Variants in GRK6 observed in about 807,000 individuals in gnomAD.
GRK6 encodes the protein G protein-coupled receptor kinase 6.
A neutral mutation model predicts 80.8 loss-of-function variants in GRK6; 37 were observed. The observed-to-expected ratio is 0.46, with a 90% CI of 0.35 to 0.60. GRK6 has a LOEUF of 0.60. GRK6 is among the 20% of genes least tolerant of loss of function. The pLI, the probability that GRK6 is intolerant of heterozygous loss-of-function variation, is 0.00. For synonymous variants in GRK6, 295 were observed against 320.9 expected (o/e 0.92, Z 0.86); for missense variants, 560 against 784.6 (o/e 0.71, Z 3.42).
At chr5:177,432,885 C>G in intron 5 of GRK6, 79 bp downstream of exon 5, 1 of 1,182,848 alleles carries the variant, frequency 8.5e-7, no homozygotes. Flanking sequence ...CTGTGAACAG[C>G]TCGGTGGCTG....
At position 177,442,819 on chromosome 5, in the gene GRK6, C is replaced by G. The variant is rs1764581109; in HGVS notation, c.*1029C>G. Reference sequence around the variant, plus strand: ...GCCCTGTTTTTTCCATATTTAAAGCCAATTTTTATTACTCGTTTTGTCCAA... The same window carrying G: ...GCCCTGTTTTTTCCATATTTAAAGCGAATTTTTATTACTCGTTTTGTCCAA... On this transcript the variant is annotated 3_prime_UTR_variant, in exon 16 of 16. Coordinates refer to ENST00000355472, the MANE Select transcript of GRK6 (RefSeq NM_001004106.3). 1 of 152,356 alleles carries G rather than the reference C, an allele frequency of 6.6e-6. No homozygotes were observed. Among genetic ancestry groups the G allele is most frequent in the Non-Finnish European group, 1.5e-5 (1 of 68,028 alleles). 9.4% of individuals were successfully genotyped at this position (152,356 alleles called of 1,614,324 possible).
chr5:177,435,019 C>T lies in GRK6; in HGVS notation c.968-13C>T, dbSNP rs761583708. Reference sequence around the variant, plus strand: ...CTGTTAACGGGTCCACCTGTTTCTCCACCCACACTCAGGCCACATCCGCAT... The same window carrying T: ...CTGTTAACGGGTCCACCTGTTTCTCTACCCACACTCAGGCCACATCCGCAT... On this transcript the variant is annotated splice_polypyrimidine_tract_variant and intron_variant, in intron 10 of 15. Coordinates refer to ENST00000355472, the MANE Select transcript of GRK6 (RefSeq NM_001004106.3). 6.2e-7 allele frequency: 1 copy of T among 1,613,036 alleles called. No individual in the cohort carries two copies. The highest frequency in any genetic ancestry group is 1.7e-5 in the Admixed American group (1 of 60,006).
chr5:177,433,817 G>T (rs1325525948), intron 8 of GRK6, 97 bp from the exon 9 acceptor site: 2 of 1,492,762 alleles, frequency 1.3e-6, no homozygotes, highest in Non-Finnish European at 1.8e-6. Flanking sequence ...GGAGCAGGCT[G>T]GGCCCAAGGA....
intron 13 of GRK6, 177 bp downstream of exon 13, chr5:177,436,707 G>C (rs1290033105): frequency 1.1e-5 from 7 of 643,894 alleles, no homozygotes; most frequent in African/African-American, 1.8e-5. Context: ...GGTCTGGCTT[G>C]TGGCATGCCT....
In GRK6 at chr5:177,433,950, C is replaced by T; in HGVS notation, c.775C>T (p.Leu259=). 12 of 1,605,708 alleles carry T rather than the reference C, an allele frequency of 7.5e-6. No homozygotes were observed. Among genetic ancestry groups the T allele is most frequent in the Non-Finnish European group, 1.0e-5 (12 of 1,175,198 alleles). ...CTACGCCTATGAGACCAAGGACGCGCTGTGCCTGGTGCTGACACTGATGAA... is the reference window on the plus strand; with the variant it reads ...CTACGCCTATGAGACCAAGGACGCGTTGTGCCTGGTGCTGACACTGATGAA... The part of the protein sequence containing the change: ...LAYAYETKDA[L]CLVLTLMNGG... Residue 259 remains leucine, a synonymous_variant, in exon 9 of 16, where the codon CTG becomes TTG. Coordinates refer to ENST00000355472, the MANE Select transcript of GRK6 (RefSeq NM_001004106.3).
Position 177,432,318 on chromosome 5 carries a change from A to C in GRK6, c.339+8A>C, listed in dbSNP as rs987112623. On this transcript the variant is annotated splice_region_variant and intron_variant, in intron 4 of 15. Transcript: ENST00000355472. ...AATTTTCTGAGCCACACGGTGAGTG[A>C]GCAGCGATGGAGAGATGATGGGAGC... 4 of 1,611,728 alleles carry C rather than the reference A, an allele frequency of 2.5e-6. 1 individual carries two copies. The South Asian group carries it at 3.3e-5, about 13-fold the overall frequency.
In GRK6 at chr5:177,436,528, G is replaced by A; in HGVS notation, c.1402G>A (p.Asp468Asn). The change falls in exon 13 of 16, where the codon GAC (aspartate) becomes AAC (asparagine). Residue 468 changes from aspartate to asparagine, a missense_variant and splice_region_variant. By Grantham distance (23) the Asp-to-Asn change is conservative (BLOSUM62 1). Transcript: ENST00000355472. ...AGMLEPPFKP[D>N]PQAIYCKDVL... ...CATGCTGGAGCCGCCGTTCAAGCCT[G>A]ACGTGAGTGCAGCCCACTCCTGCTG... 1 of 1,589,078 alleles carries A rather than the reference G, an allele frequency of 6.3e-7. No homozygotes were observed. Among genetic ancestry groups the A allele is most frequent in the Non-Finnish European group, 8.6e-7 (1 of 1,167,118 alleles).
In GRK6 at chr5:177,441,881, A is replaced by C; in HGVS notation, c.*91A>C. ...TGCACAGTGATCTTCCCCATTGTCC[A>C]CTCAAGTCGTGGCCTGGGGAACACA... On this transcript the variant is annotated 3_prime_UTR_variant, in exon 16 of 16. Transcript: ENST00000355472. 8.5e-7 allele frequency: 1 copy of C among 1,181,810 alleles called. No individual in the cohort carries two copies. Among genetic ancestry groups the C allele is most frequent in the Non-Finnish European group, 1.2e-6 (1 of 802,566 alleles). 73.2% of individuals were successfully genotyped at this position (1,181,810 alleles called of 1,614,324 possible).
At chr5:177,426,510 C>G (rs1318154858), upstream of GRK6, 1 of 152,138 alleles carries the variant, frequency 6.6e-6, no homozygotes, top group Non-Finnish European at 1.5e-5. Context: ...GGTCCCGCCC[C>G]CGTACTTCTT....
rs1038974363 is a variant in GRK6, at chr5:177,441,931, C to T, written c.*141C>T. ...AGACGGAGCTGTCCCCAGTGTCCTC[C>T]GTCCCTCAGCCCCTGGCCTGGCTGA... On this transcript the variant is annotated 3_prime_UTR_variant, in exon 16 of 16. Transcript: ENST00000355472. 1.0e-5 allele frequency: 8 copies of T among 763,172 alleles called. No homozygotes were observed. Among genetic ancestry groups the T allele is most frequent in the Admixed American group, 2.4e-5 (1 of 41,792 alleles). The allele number at this position is 763,172 out of a possible 1,614,324, so 47.3% of individuals were successfully genotyped here.
chr5:177,426,616 T>A (rs1763679978), upstream of GRK6: 1 of 148,422 alleles, frequency 6.7e-6, no homozygotes, highest in African/African-American at 2.5e-5. Flanking sequence ...ATTGGTCAAA[T>A]GAGGTAAACA....
At chr5:177,433,721 G>C (rs373614602) in intron 8 of GRK6, 45 bp downstream of exon 8, 1 of 1,604,384 alleles carries the variant, frequency 6.2e-7, no homozygotes, top group Non-Finnish European at 8.5e-7. Flanking sequence ...CCACACTGGC[G>C]CACCGACCGT....
At chr5:177,432,601 G>T (rs550646280) in intron 4 of GRK6, 105 bp from the exon 5 acceptor site, 3 of 827,248 alleles carry the variant, frequency 3.6e-6, no homozygotes, top group Admixed American at 5.3e-5. Flanking sequence ...ACCCTGGCCT[G>T]CAGCCTCTCA....
chr5:177,439,814 TA>T (rs1438989565), intron 13 of GRK6: 1 of 152,306 alleles, frequency 6.6e-6, no homozygotes, highest in Non-Finnish European at 1.5e-5. Context: ...CTTAGCATAG[TA>T]TCTTCAAGGT....
At chr5:177,427,951 T>G (rs1182118743) in intron 1 of GRK6, among the ~76,000 whole-genome samples, 1 of 152,210 alleles carries the variant, frequency 6.6e-6, no homozygotes, top group Non-Finnish European at 1.5e-5. Flanking sequence ...AGATTGTGAT[T>G]GACTCGGGCC....
chr5:177,435,026 A>G lies in GRK6; in HGVS notation c.968-6A>G, dbSNP rs1348251021. On this transcript the variant is annotated splice_polypyrimidine_tract_variant and splice_region_variant and intron_variant, in intron 10 of 15. Transcript: ENST00000355472. ...CGGGTCCACCTGTTTCTCCACCCAC[A>G]CTCAGGCCACATCCGCATCTCTGAC... The G allele has an allele frequency of 1.2e-6, 2 of 1,613,038 alleles. No homozygotes were observed. Among genetic ancestry groups the G allele is most frequent in the East Asian group, 2.2e-5 (1 of 44,882 alleles).
intron 10 of GRK6, 29 bp from the exon 11 acceptor site, chr5:177,435,003 G>A: frequency 3.7e-6 from 6 of 1,603,912 alleles, no homozygotes; most frequent in Non-Finnish European, 5.1e-6. Context: ...CCTGTTAACG[G>A]GTCCACCTGT....
At position 177,429,032 on chromosome 5, in the gene GRK6, T is replaced by C. The variant is rs535313600; in HGVS notation, c.53-1840T>C. ...GGGAAAGGAGCTTGGGTTGTGGCCA[T>C]AGGGAGCTGGGTACGAATCCTGTAC... is the stretch of plus-strand genomic sequence containing the variant. On this transcript the variant is annotated intron_variant, in intron 1 of 15. Transcript: ENST00000355472. This position sits in a 1 kb window ranked among gnomAD's most constrained non-coding sequence, Gnocchi z 4.3. 2.0e-5 allele frequency among the ~76,000 whole-genome samples: 3 copies of C among 152,164 alleles called. No individual in the cohort carries two copies. In the East Asian group the frequency reaches 5.8e-4, roughly 29 times the overall value.
At chr5:177,439,693 T>C (rs1440902991) in intron 13 of GRK6, among the ~76,000 whole-genome samples, 1 of 151,938 alleles carries the variant, frequency 6.6e-6, no homozygotes, top group African/African-American at 2.4e-5. Context: ...TCCCTCCCGC[T>C]GCTCCTAGCA....
Sources: gnomAD v4.1 joint callset for allele counts (sites outside exome capture counted in the v4.1 genomes callset) on GRCh38, gnomAD v4.1.1 for gene constraint, Gnocchi (gnomAD v3.1) non-coding constraint, MANE v1.5 for transcripts, NCBI Gene and HGNC (gene_info 2026-07-23, HGNC 2026-07-21) for gene names.